The following EXOC4 variants were observed in gnomAD, a reference collection of about 807,000 sequenced individuals.
The protein encoded by EXOC4 is exocyst complex component 4, also known as SEC8-like 1.
Under a neutral mutation model 107.2 loss-of-function variants are expected in EXOC4, and 71 were observed. The observed-to-expected ratio is 0.66, with a 90% CI of 0.55 to 0.81. The LOEUF (loss-of-function observed/expected upper bound fraction) is 0.81, where lower values mean the gene tolerates loss of function less well. Ranked by LOEUF, EXOC4 falls within the 30% of genes least tolerant of loss-of-function variation. EXOC4 has a pLI of 0.00. For missense variants in EXOC4, 1,108 were observed against 1,189.6 expected, an observed-to-expected ratio of 0.93 and a Z score of 1.01; for synonymous variants, 456 against 441.2, an observed-to-expected ratio of 1.03 and a Z score of -0.42.
chr7:133,412,338 A>T (rs1427971014), intron 7 of EXOC4, among the ~76,000 whole-genome samples: 2 of 126,078 alleles, frequency 1.6e-5, no homozygotes, highest in Non-Finnish European at 3.1e-5. Flanking sequence ...TTAGCTGATA[A>T]AAGTGGTATG....
intron 10 of EXOC4, 50 bp from the exon 11 acceptor site, chr7:133,817,275 A>G (rs779698314): frequency 3.8e-6 from 5 of 1,331,020 alleles, no homozygotes; most frequent in Admixed American, 3.7e-5. Flanking sequence ...TCGTATTTAT[A>G]TAACATTTTC....
intron 12 of EXOC4, among the ~76,000 whole-genome samples, chr7:133,903,932 A>C (rs1055216903): frequency 2.6e-5 from 4 of 152,154 alleles, no homozygotes; most frequent in Non-Finnish European, 5.9e-5. Flanking sequence ...CAGCATTAGA[A>C]CTCAGCACGG....
At chr7:134,048,078 C>T (rs898320608) in intron 17 of EXOC4, among the ~76,000 whole-genome samples, 3 of 152,202 alleles carry the variant, frequency 2.0e-5, no homozygotes, top group African/African-American at 7.2e-5. Context: ...TGTTCTCTTG[C>T]ACTGAGACAT....
intron 9 of EXOC4, among the ~76,000 whole-genome samples, chr7:133,492,571 C>A (rs1268468116): frequency 1.3e-5 from 2 of 152,304 alleles, no homozygotes; most frequent in Non-Finnish European, 2.9e-5. Flanking sequence ...CATTCCTCTT[C>A]TCAAGTTCAG....
At position 133,317,738 on chromosome 7, in the gene EXOC4, G is replaced by A. The variant is rs556074088; in HGVS notation, c.763+348G>A. ...GCTCTGTTGCCCAGGCTGGAGTGTA[G>A]TGGCACGATTTTGGCTCTCTGCAAC... On this transcript the variant is annotated intron_variant, in intron 5 of 17. Coordinates refer to ENST00000253861, the MANE Select transcript of EXOC4 (RefSeq NM_021807.4). Among the ~76,000 whole-genome samples, 62 of 151,992 alleles carry A rather than the reference G, an allele frequency of 4.1e-4. No individual in the cohort carries two copies. The South Asian group carries it at 0.012, about 30-fold the overall frequency.
intron 11 of EXOC4, among the ~76,000 whole-genome samples, chr7:133,819,168 C>A (rs1369804930): frequency 6.6e-6 from 1 of 152,152 alleles, no homozygotes; most frequent in South Asian, 2.1e-4. Flanking sequence ...TCTGCTGTTA[C>A]AACCTCTGGA....
In EXOC4 at chr7:133,895,768, C is replaced by T. The variant is rs550056750; in HGVS notation, c.1871+33C>T. 4.7e-5 allele frequency: 75 copies of T among 1,595,220 alleles called. No individual in the cohort carries two copies. The Middle Eastern group carries it at 6.7e-4, about 14-fold the overall frequency. ...TTCTGTTAGGGGCTAAGCAAAGTAA[C>T]GTTTGAGCCTGATGGTGGTTCCAAT... On this transcript the variant is annotated intron_variant, in intron 12 of 17. Coordinates refer to ENST00000253861, the MANE Select transcript of EXOC4 (RefSeq NM_021807.4).
chr7:133,281,112 C>T (rs796685186), intron 2 of EXOC4, among the ~76,000 whole-genome samples: 14 of 151,956 alleles, frequency 9.2e-5, no homozygotes, highest in African/African-American at 2.2e-4. Context: ...TGAAAAAACC[C>T]GGGGAAAGAA....
intron 9 of EXOC4, among the ~76,000 whole-genome samples, chr7:133,577,207 A>G (rs759185870): frequency 2.5e-4 from 38 of 152,286 alleles, no homozygotes; most frequent in Admixed American, 1.2e-3. Context: ...ATCTTTAAAC[A>G]TTCACTCTAT....
intron 2 of EXOC4, among the ~76,000 whole-genome samples, chr7:133,286,892 A>G (rs1257345358): frequency 2.0e-5 from 3 of 152,142 alleles, no homozygotes; most frequent in East Asian, 1.9e-4. Flanking sequence ...TGTCCAATTC[A>G]GTTGCTCCCA....
intron 1 of EXOC4, among the ~76,000 whole-genome samples, chr7:133,272,431 G>T (rs768815017): frequency 6.6e-6 from 1 of 151,914 alleles, no homozygotes; most frequent in Non-Finnish European, 1.5e-5. Flanking sequence ...AGAGGGGAGG[G>T]AATAATAATA....
chr7:133,468,303 G>C (rs1798781970), intron 7 of EXOC4, among the ~76,000 whole-genome samples: 1 of 152,086 alleles, frequency 6.6e-6, no homozygotes, highest in South Asian at 2.1e-4. Flanking sequence ...GCAGGCATCT[G>C]CTTTATTTTC....
chr7:133,263,992 C>T (rs1052143435), intron 1 of EXOC4, among the ~76,000 whole-genome samples: 2 of 152,006 alleles, frequency 1.3e-5, no homozygotes, highest in Admixed American at 6.6e-5. Context: ...TTTTGTAAAA[C>T]ATTGTTTCTG....
intron 10 of EXOC4, among the ~76,000 whole-genome samples, chr7:133,761,048 A>G (rs942866508): frequency 1.3e-5 from 2 of 152,204 alleles, no homozygotes; most frequent in African/African-American, 4.8e-5. Context: ...CCTATTGATG[A>G]TAAGTGAGAG....
At chr7:133,526,929 G>A (rs970810464) in intron 9 of EXOC4, among the ~76,000 whole-genome samples, 1 of 151,992 alleles carries the variant, frequency 6.6e-6, no homozygotes, top group Non-Finnish European at 1.5e-5. Flanking sequence ...CCGAGATTGC[G>A]CTACTGCACT....
At chr7:133,274,877 T>G in intron 1 of EXOC4, 105 bp from the exon 2 acceptor site, 1 of 850,916 alleles carries the variant, frequency 1.2e-6, no homozygotes. Context: ...GTTAATAAGA[T>G]GAATGTGCTT....
At chr7:133,786,494 C>T (rs1341323588) in intron 10 of EXOC4, among the ~76,000 whole-genome samples, 1 of 152,192 alleles carries the variant, frequency 6.6e-6, no homozygotes, top group African/African-American at 2.4e-5. Flanking sequence ...TAAAGCACGG[C>T]CCAGAACGTA....
At chr7:133,754,413 A>G (rs904583026) in intron 10 of EXOC4, among the ~76,000 whole-genome samples, 2 of 152,164 alleles carry the variant, frequency 1.3e-5, no homozygotes, top group African/African-American at 4.8e-5. Flanking sequence ...GCTATCAGTA[A>G]AAGGTTTATG....
chr7:133,874,812 C>G (rs1296447135), intron 11 of EXOC4, among the ~76,000 whole-genome samples: 1 of 152,112 alleles, frequency 6.6e-6, no homozygotes, highest in Non-Finnish European at 1.5e-5. Flanking sequence ...TGAATCATGC[C>G]CCATTGTGGG....
Sources: gnomAD v4.1 joint callset for allele counts (sites outside exome capture counted in the v4.1 genomes callset) on GRCh38, gnomAD v4.1.1 for gene constraint, MANE v1.5 for transcripts, NCBI Gene and HGNC (gene_info 2026-07-23, HGNC 2026-07-21) for gene names.